The following NCLN variants were observed in gnomAD, a reference collection of about 807,000 sequenced individuals.
The protein encoded by NCLN is BOS complex subunit NCLN.
In NCLN, 34 loss-of-function variants were observed where a neutral mutation model predicts 69.5. The ratio of observed to expected loss-of-function variants is 0.49; its 90% confidence interval spans 0.37 to 0.65. NCLN has a LOEUF of 0.65. Ranked by LOEUF, NCLN falls within the 30% of genes least tolerant of loss-of-function variation. NCLN has a pLI of 0.00. For missense variants in NCLN, 710 were observed against 804.8 expected, an observed-to-expected ratio of 0.88 and a Z score of 1.42; for synonymous variants, 393 against 358.3, an observed-to-expected ratio of 1.10 and a Z score of -1.09.
intron 5 of NCLN, among the ~76,000 whole-genome samples, chr19:3,199,933 C>T (rs1916082305): frequency 6.6e-6 from 1 of 151,986 alleles, no homozygotes; most frequent in Non-Finnish European, 1.5e-5. Flanking sequence ...ATCTCCTGAC[C>T]TCATGATTTG....
At chr19:3,202,168 C>T (rs1248592786) in intron 6 of NCLN, among the ~76,000 whole-genome samples, 1 of 152,146 alleles carries the variant, frequency 6.6e-6, no homozygotes. Context: ...ATCTGCCCCG[C>T]TGAGGTCCCA....
chr19:3,208,908 GAGA>G lies in NCLN; in HGVS notation c.*1223_*1225del, dbSNP rs1916358039. Reference sequence around the variant, plus strand: ...GACCAGGCGTCGTGTGTGTGTGGGAGAGAAGGAGGCCCGTGTTGAGCTCAGGGA... The same window carrying G: ...GACCAGGCGTCGTGTGTGTGTGGGAGAGGAGGCCCGTGTTGAGCTCAGGGA... On this transcript the variant is annotated 3_prime_UTR_variant, in exon 15 of 15. Coordinates refer to ENST00000246117, the MANE Select transcript of NCLN (RefSeq NM_020170.4). 1 of 152,464 alleles carries G rather than the reference GAGA, an allele frequency of 6.6e-6. No homozygotes were observed. Among genetic ancestry groups the G allele is most frequent in the Non-Finnish European group, 1.5e-5 (1 of 68,280 alleles). 9.4% of individuals were successfully genotyped at this position (152,464 alleles called of 1,614,324 possible).
chr19:3,186,612 C>G (rs1915677999), intron 1 of NCLN, among the ~76,000 whole-genome samples: 1 of 152,216 alleles, frequency 6.6e-6, no homozygotes, highest in African/African-American at 2.4e-5. Flanking sequence ...TCCGGGCTCA[C>G]TTGAGCAGAC....
At chr19:3,190,457 G>C (rs974658699) in intron 1 of NCLN, among the ~76,000 whole-genome samples, 2 of 152,160 alleles carry the variant, frequency 1.3e-5, no homozygotes, top group African/African-American at 4.8e-5. Context: ...CAGACACCCC[G>C]TTGGAGCAGG....
At position 3,185,959 on chromosome 19, in the gene NCLN, G is replaced by C. The variant is rs1192616999; in HGVS notation, c.-72G>C. The C allele has an allele frequency of 1.6e-6, 2 of 1,251,908 alleles. No homozygotes were observed. Among genetic ancestry groups the C allele is most frequent in the African/African-American group, 3.2e-5 (2 of 62,564 alleles). 77.5% of individuals were successfully genotyped at this position (1,251,908 alleles called of 1,614,324 possible). Reference sequence around the variant, plus strand: ...CCCCGGCGGCTACCCATGCCGAGGTGAGTCCGCGGGAGCCGCCGCCGCCGC... The same window carrying C: ...CCCCGGCGGCTACCCATGCCGAGGTCAGTCCGCGGGAGCCGCCGCCGCCGC... On this transcript the variant is annotated 5_prime_UTR_variant, in exon 1 of 15. It removes the in-frame stop codon of an upstream open reading frame in the 5' UTR. Transcript: ENST00000246117.
chr19:3,189,711 C>T (rs1915761972), intron 1 of NCLN, among the ~76,000 whole-genome samples: 1 of 152,244 alleles, frequency 6.6e-6, no homozygotes, highest in South Asian at 2.1e-4. Flanking sequence ...TCCACACTAG[C>T]TTGTGGCCAC....
chr19:3,186,529 C>G (rs751300684), intron 1 of NCLN, among the ~76,000 whole-genome samples: 3 of 152,204 alleles, frequency 2.0e-5, no homozygotes, highest in African/African-American at 4.8e-5. Context: ...CTCCTGTCCC[C>G]AGCTGGGCCG....
rs534893340 is a variant in NCLN at position 3,205,332 on chromosome 19, G to A, written c.1208+581G>A. Reference sequence around the variant, plus strand: ...CTCCTCCCCCAGCGCCCGCAGTCCCGGCATAGATCCTTCCCGTTCATCCAC... The same window carrying A: ...CTCCTCCCCCAGCGCCCGCAGTCCCAGCATAGATCCTTCCCGTTCATCCAC... On this transcript the variant is annotated intron_variant, in intron 9 of 14. Coordinates refer to ENST00000246117, the MANE Select transcript of NCLN (RefSeq NM_020170.4). The surrounding 1 kb of genome is among the most constrained non-coding windows in gnomAD (Gnocchi z 4.6). Among the ~76,000 whole-genome samples the A allele has an allele frequency of 3.3e-5, 5 of 152,294 alleles. No homozygotes were observed. The highest frequency in any genetic ancestry group is 3.4e-3 in the Middle Eastern group (1 of 294).
rs1413707948 is a variant in NCLN, at chr19:3,192,506, C to T, written c.221C>T (p.Thr74Met). 3.1e-6 allele frequency: 5 copies of T among 1,607,378 alleles called. No homozygotes were observed. The highest frequency in any genetic ancestry group is 1.1e-5 in the South Asian group (1 of 90,406). ...GCAGTGCTGAACACGGAGGCGCGCA[C>T]GATGGCGGCGGAGGTGCTGAGCCGC... ...RNAVLNTEAR[T>M]MAAEVLSRRC... The change falls in exon 2 of 15, where the codon ACG (threonine) becomes ATG (methionine). Residue 74 changes from threonine to methionine, a missense_variant. By Grantham distance (81) the Thr-to-Met change is moderately conservative. Transcript: ENST00000246117.
intron 1 of NCLN, among the ~76,000 whole-genome samples, chr19:3,190,681 G>A (rs1194059746): frequency 7.9e-5 from 12 of 152,144 alleles, no homozygotes; most frequent in Admixed American, 7.2e-4. Flanking sequence ...CCTGGGCATC[G>A]TGATTTTGAG....
intron 4 of NCLN, among the ~76,000 whole-genome samples, chr19:3,197,119 G>A (rs976756081): frequency 4.6e-5 from 7 of 152,244 alleles, no homozygotes; most frequent in Non-Finnish European, 4.4e-5. Context: ...CTGTTGGATT[G>A]TACTGTGGGC....
chr19:3,198,726 AC>A, intron 4 of NCLN, 90 bp from the exon 5 acceptor site: 2 of 1,011,164 alleles, frequency 2.0e-6, no homozygotes, highest in African/African-American at 1.7e-5. Flanking sequence ...GACGGGCCCC[AC>A]GTGGCCCAGA....
chr19:3,198,901 CGTAT>C lies in NCLN; in HGVS notation c.696+7_696+10del. Reference sequence around the variant, plus strand: ...CGACGCCTTTGGAGTGGCCCCCGTACGTATGTGTGTCCCCATTCCCCCCACCCCA... The same window carrying C: ...CGACGCCTTTGGAGTGGCCCCCGTACGTGTGTCCCCATTCCCCCCACCCCA... On this transcript the variant is annotated splice_donor_5th_base_variant and intron_variant, in intron 5 of 14. Coordinates refer to ENST00000246117, the MANE Select transcript of NCLN (RefSeq NM_020170.4). 8 of 1,472,706 alleles carry C rather than the reference CGTAT, an allele frequency of 5.4e-6. No individual in the cohort carries two copies. Among genetic ancestry groups the C allele is most frequent in the Non-Finnish European group, 7.2e-6 (8 of 1,104,688 alleles). The allele number at this position is 1,472,706 out of a possible 1,614,324, so 91.2% of individuals were successfully genotyped here.
rs985185455 is a variant in NCLN at position 3,185,970 on chromosome 19, A to AGCCGCCGCC, written c.-53_-45dup. The AGCCGCCGCC allele has an allele frequency of 7.5e-7, 1 of 1,325,898 alleles. No homozygotes were observed. The highest frequency in any genetic ancestry group is 9.7e-7 in the Non-Finnish European group (1 of 1,028,436). The allele number at this position is 1,325,898 out of a possible 1,614,324, so 82.1% of individuals were successfully genotyped here. On this transcript the variant is annotated 5_prime_UTR_variant, in exon 1 of 15. Coordinates refer to ENST00000246117, the MANE Select transcript of NCLN (RefSeq NM_020170.4). Reference sequence around the variant, plus strand: ...ACCCATGCCGAGGTGAGTCCGCGGGAGCCGCCGCCGCCGCCGTCCCGTCCC... The same window carrying AGCCGCCGCC: ...ACCCATGCCGAGGTGAGTCCGCGGGAGCCGCCGCCGCCGCCGCCGCCGCCGTCCCGTCCC...
chr19:3,199,386 GT>G (rs1916062753), intron 5 of NCLN, among the ~76,000 whole-genome samples: 2 of 152,276 alleles, frequency 1.3e-5, no homozygotes, highest in Admixed American at 6.5e-5. Flanking sequence ...CCAAAGCACT[GT>G]CACCAGCGAG....
At chr19:3,193,803 C>T (rs1330620661) in intron 3 of NCLN, among the ~76,000 whole-genome samples, 4 of 151,940 alleles carry the variant, frequency 2.6e-5, no homozygotes, top group Non-Finnish European at 5.9e-5. Flanking sequence ...CTCGAGTGGG[C>T]GGCGTGGGTG....
intron 1 of NCLN, among the ~76,000 whole-genome samples, chr19:3,188,573 C>G (rs944036998): frequency 6.6e-6 from 1 of 152,214 alleles, no homozygotes; most frequent in African/African-American, 2.4e-5. Context: ...TCTCTTTCCT[C>G]GCTTCTCTGG....
In NCLN at chr19:3,205,979, A is replaced by T. The variant is rs1280674585; in HGVS notation, c.1249A>T (p.Ile417Phe). The T allele has an allele frequency of 1.9e-6, 3 of 1,613,654 alleles. No homozygotes were observed. Among genetic ancestry groups the T allele is most frequent in the Non-Finnish European group, 2.5e-6 (3 of 1,179,990 alleles). ...DSKTLTRNTRIIAEALTRVIY... is the reference protein window; with the variant it reads ...DSKTLTRNTRFIAEALTRVIY... ...TAAGACCCTGACCCGTAACACGAGG[A>T]TCATTGCAGAGGCCCTGACTCGAGT... Residue 417 changes from isoleucine (I) to phenylalanine (F), a missense_variant, in exon 10 of 15, where the codon ATC becomes TTC. Physicochemically the swap from Ile to Phe is conservative, Grantham distance 21 (BLOSUM62 0). Transcript: ENST00000246117. The surrounding 1 kb of genome is among the most constrained non-coding windows in gnomAD (Gnocchi z 4.6).
intron 6 of NCLN, among the ~76,000 whole-genome samples, chr19:3,203,394 AC>A (rs1346710967): frequency 1.3e-5 from 2 of 152,096 alleles, no homozygotes; most frequent in Admixed American, 1.3e-4. Context: ...CTGGTCGGTC[AC>A]CCCGGTTCCT....
Sources: gnomAD v4.1 joint callset for allele counts (sites outside exome capture counted in the v4.1 genomes callset) on GRCh38, gnomAD v4.1.1 for gene constraint, Gnocchi (gnomAD v3.1) non-coding constraint, MANE v1.5 for transcripts, NCBI Gene and HGNC (gene_info 2026-07-23, HGNC 2026-07-21) for gene names.